Variants in CENPP observed in about 807,000 individuals in gnomAD.
CENPP encodes the protein centromere protein P.
A neutral mutation model predicts 35.6 loss-of-function variants in CENPP; 24 were observed. The observed-to-expected ratio is 0.67, with a 90% CI of 0.49 to 0.95. The LOEUF is 0.95. CENPP is among the 40% of genes least tolerant of loss of function. The pLI, the probability that CENPP is intolerant of heterozygous loss-of-function variation, is 0.00. For synonymous variants in CENPP, 120 were observed against 125.5 expected, an observed-to-expected ratio of 0.96 and a Z score of 0.29; for missense variants, 332 against 345.3, an observed-to-expected ratio of 0.96 and a Z score of 0.31.
chr9:92,511,327 A>G (rs1439933948), intron 5 of CENPP, among the ~76,000 whole-genome samples: 2 of 150,636 alleles, frequency 1.3e-5, no homozygotes, highest in Non-Finnish European at 2.9e-5. Context: ...GGGTTTCACC[A>G]TGTTGGCCAG....
At chr9:92,484,254 TCACACTC>T (rs1846002450) in intron 5 of CENPP, among the ~76,000 whole-genome samples, 1 of 152,180 alleles carries the variant, frequency 6.6e-6, no homozygotes, top group Admixed American at 6.5e-5. Flanking sequence ...AATCCCAGCC[TCACACTC>T]CATTCTCATA....
At chr9:92,352,505 G>GTGTGTGTGTA in intron 4 of CENPP, among the ~76,000 whole-genome samples, 5 of 49,784 alleles carry the variant, frequency 1.0e-4, no homozygotes, top group South Asian at 6.5e-4. Context: ...GTGTGTGTGT[G>GTGTGTGTGTA]TATACATATA....
intron 5 of CENPP, among the ~76,000 whole-genome samples, chr9:92,549,583 G>A (rs914448823): frequency 4.7e-5 from 7 of 150,442 alleles, no homozygotes; most frequent in Non-Finnish European, 8.9e-5. Flanking sequence ...GGAGGCAAAG[G>A]TTACAGTGAG....
intron 5 of CENPP, chr9:92,509,895 A>G (rs1313147637): frequency 6.3e-7 from 1 of 1,599,568 alleles, no homozygotes; most frequent in African/African-American, 1.4e-5. Context: ...CAAATATTAA[A>G]TACCTGATAA....
At chr9:92,514,855 TC>T (rs1847593351) in intron 5 of CENPP, 1 of 1,612,160 alleles carries the variant, frequency 6.2e-7, no homozygotes, top group Admixed American at 1.7e-5. Context: ...CTCACCCTCC[TC>T]CTCCTCATCC....
chr9:92,477,856 T>C (rs960154308), intron 5 of CENPP, among the ~76,000 whole-genome samples: 1 of 152,040 alleles, frequency 6.6e-6, no homozygotes, highest in African/African-American at 2.4e-5. Flanking sequence ...GATTAGTAAA[T>C]AGACAATGTA....
At chr9:92,519,735 T>C (rs1373906560) in intron 5 of CENPP, among the ~76,000 whole-genome samples, 1 of 152,186 alleles carries the variant, frequency 6.6e-6, no homozygotes, top group African/African-American at 2.4e-5. Flanking sequence ...CTTAGAAAAA[T>C]CCATAGGGGA....
chr9:92,574,864 C>G (rs1276632427), intron 5 of CENPP, among the ~76,000 whole-genome samples: 2 of 152,198 alleles, frequency 1.3e-5, no homozygotes, highest in Non-Finnish European at 2.9e-5. Flanking sequence ...GATTTAAAGA[C>G]AGACATTGGC....
At chr9:92,525,427 CTTTT>C (rs959342863) in intron 5 of CENPP, among the ~76,000 whole-genome samples, 1 of 152,156 alleles carries the variant, frequency 6.6e-6, no homozygotes, top group African/African-American at 2.4e-5. Context: ...CACATAATGA[CTTTT>C]TTGTCAGTGA....
chr9:92,570,514 A>G (rs1388558774), intron 5 of CENPP, among the ~76,000 whole-genome samples: 1 of 152,176 alleles, frequency 6.6e-6, no homozygotes, highest in Non-Finnish European at 1.5e-5. Flanking sequence ...ATCAATGTTC[A>G]TCAGGGATAT....
chr9:92,422,186 G>C (rs1453794088), intron 5 of CENPP, among the ~76,000 whole-genome samples: 2 of 152,042 alleles, frequency 1.3e-5, no homozygotes, highest in African/African-American at 2.4e-5. Context: ...GAGTAGCTGG[G>C]ATTACAGGCG....
At chr9:92,481,043 C>T (rs759736140) in intron 5 of CENPP, among the ~76,000 whole-genome samples, 4 of 152,102 alleles carry the variant, frequency 2.6e-5, no homozygotes, top group Admixed American at 6.6e-5. Flanking sequence ...ACTAATTTTG[C>T]CCTTCATTAA....
chr9:92,328,113 G>A (rs1588026578), intron 1 of CENPP, among the ~76,000 whole-genome samples: 1 of 152,172 alleles, frequency 6.6e-6, no homozygotes, highest in East Asian at 1.9e-4. Context: ...GGTGATTGTG[G>A]GGGTGGGGTA....
At chr9:92,594,223 C>T (rs895171728) in intron 5 of CENPP, among the ~76,000 whole-genome samples, 1 of 152,134 alleles carries the variant, frequency 6.6e-6, no homozygotes, top group Non-Finnish European at 1.5e-5. Flanking sequence ...AGGGAGGCTC[C>T]TGGAGCTTCA....
intron 5 of CENPP, among the ~76,000 whole-genome samples, chr9:92,400,244 A>G (rs912694678): frequency 1.3e-5 from 2 of 152,086 alleles, no homozygotes; most frequent in African/African-American, 2.4e-5. Context: ...TCCACCTCCC[A>G]GGTTCAAGCA....
At chr9:92,501,071 G>A (rs1185199457) in intron 5 of CENPP, 1 of 1,608,086 alleles carries the variant, frequency 6.2e-7, no homozygotes, top group South Asian at 1.1e-5. Flanking sequence ...AAAGAAAAAA[G>A]TAAACAGGGT....
At chr9:92,600,196 T>G in intron 5 of CENPP, 1 of 985,336 alleles carries the variant, frequency 1.0e-6, no homozygotes, top group South Asian at 2.3e-5. Flanking sequence ...TTTTCAACCA[T>G]GTTTAGCTTG....
Position 92,378,622 on chromosome 9 carries a change from A to G in CENPP, c.468-1141A>G, listed in dbSNP as rs139306718. Among the ~76,000 whole-genome samples, 116 of 152,304 alleles carry G rather than the reference A, an allele frequency of 7.6e-4. 1 individual carries two copies. Among genetic ancestry groups the G allele is most frequent in the Non-Finnish European group, 4.7e-4 (32 of 68,020 alleles). On this transcript the variant is annotated intron_variant, in intron 4 of 7. Transcript: ENST00000375587. ...CATTGGGGTGGAATATGCTTACTCT[A>G]TCATTACTGGTACAGGAACTCAACT...
chr9:92,554,736 C>G (rs955013972), intron 5 of CENPP, among the ~76,000 whole-genome samples: 1 of 152,158 alleles, frequency 6.6e-6, no homozygotes, highest in Admixed American at 6.5e-5. Flanking sequence ...TGCCCGGCTT[C>G]AAGCAAGTTT....
Sources: gnomAD v4.1 joint callset for allele counts (sites outside exome capture counted in the v4.1 genomes callset) on GRCh38, gnomAD v4.1.1 for gene constraint, MANE v1.5 for transcripts, NCBI Gene and HGNC (gene_info 2026-07-23, HGNC 2026-07-21) for gene names.